GABBR2: variants seen among roughly 807,000 people sequenced by gnomAD.
GABBR2 encodes gamma-aminobutyric acid type B receptor subunit 2.
A neutral mutation model predicts 105.6 loss-of-function variants in GABBR2; 23 were observed. That is an observed-to-expected ratio of 0.22 (90% CI 0.16 to 0.31). GABBR2 has a LOEUF of 0.31. Ranked by LOEUF, GABBR2 falls within the 10% of genes least tolerant of loss-of-function variation. The pLI is 1.00. For missense variants in GABBR2, 734 were observed against 1,245.5 expected (o/e 0.59, Z 6.18); for synonymous variants, 478 against 499.7 (o/e 0.96, Z 0.58).
chr9:98,451,531 C>T lies in GABBR2; in HGVS notation c.1236+2450G>A, dbSNP rs187398295. ...TCAGTGCCACCCAAGTGCCTCCCCA[C>T]TGCCCCCCAGCAGTGGTCTCAAACC... On this transcript the variant is annotated intron_variant, in intron 7 of 18. Transcript: ENST00000259455. 7.9e-4 allele frequency among the ~76,000 whole-genome samples: 109 copies of T among 137,250 alleles called. 4 individuals carry two copies. The East Asian group carries it at 0.02, about 25-fold the overall frequency. The allele number at this position is 137,250 out of a possible 152,430, so 90.0% of individuals were successfully genotyped here. A position where few individuals can be genotyped will look rare whatever the true frequency, so the allele number is the denominator to read the frequency against.
chr9:98,635,550 C>T (rs1406133677), intron 1 of GABBR2, among the ~76,000 whole-genome samples: 1 of 152,152 alleles, frequency 6.6e-6, no homozygotes, highest in Admixed American at 6.5e-5. Context: ...CTAACTTCAA[C>T]AAAAAGAAAG....
intron 2 of GABBR2, among the ~76,000 whole-genome samples, chr9:98,567,994 C>T (rs1468820773): frequency 6.6e-6 from 1 of 152,136 alleles, no homozygotes; most frequent in Non-Finnish European, 1.5e-5. Context: ...TAGCATGAGT[C>T]AGTGAATGAA....
intron 13 of GABBR2, among the ~76,000 whole-genome samples, chr9:98,317,039 G>A (rs185449090): frequency 1.3e-5 from 2 of 152,322 alleles, no homozygotes; most frequent in Admixed American, 1.3e-4. Flanking sequence ...TCTATAAACT[G>A]CAAAGTGCTT....
chr9:98,431,538 T>C (rs574448579), intron 7 of GABBR2, among the ~76,000 whole-genome samples: 3 of 152,126 alleles, frequency 2.0e-5, no homozygotes, highest in African/African-American at 7.2e-5. Flanking sequence ...TTCTGATGCA[T>C]GTGTGGGAGA....
chr9:98,337,603 A>T (rs1831138489), intron 13 of GABBR2, among the ~76,000 whole-genome samples: 1 of 152,212 alleles, frequency 6.6e-6, no homozygotes, highest in South Asian at 2.1e-4. Context: ...TACAATAATC[A>T]AGTCAGCATG....
At chr9:98,699,563 T>G (rs1305687680) in intron 1 of GABBR2, among the ~76,000 whole-genome samples, 1 of 152,174 alleles carries the variant, frequency 6.6e-6, no homozygotes, top group East Asian at 1.9e-4. Context: ...TTTATTGAGC[T>G]CCTGCTCTGT....
At chr9:98,320,037 G>C (rs1431846152) in intron 13 of GABBR2, among the ~76,000 whole-genome samples, 1 of 152,076 alleles carries the variant, frequency 6.6e-6, no homozygotes, top group Non-Finnish European at 1.5e-5. Flanking sequence ...AGAGTGAACA[G>C]ACAACCTACA....
At chr9:98,643,332 G>A (rs1564139406) in intron 1 of GABBR2, among the ~76,000 whole-genome samples, 1 of 149,860 alleles carries the variant, frequency 6.7e-6, no homozygotes, top group Non-Finnish European at 1.5e-5. Context: ...CTAGACAAAA[G>A]TCATTTCCTC....
chr9:98,606,977 G>GCT, intron 1 of GABBR2: 1 of 794,478 alleles, frequency 1.3e-6, no homozygotes, highest in East Asian at 2.5e-5. Context: ...CCAAACCGCT[G>GCT]CTCGCCCCAT....
chr9:98,393,295 C>T (rs1200308499), intron 9 of GABBR2, among the ~76,000 whole-genome samples: 1 of 150,766 alleles, frequency 6.6e-6, no homozygotes, highest in Non-Finnish European at 1.5e-5. Flanking sequence ...ACCTATCCAT[C>T]TATCCATCCA....
At chr9:98,651,527 C>T (rs1830105817) in intron 1 of GABBR2, among the ~76,000 whole-genome samples, 1 of 152,088 alleles carries the variant, frequency 6.6e-6, no homozygotes, top group Non-Finnish European at 1.5e-5. Context: ...CTCAAACTCT[C>T]GAACTCAAGC....
intron 1 of GABBR2, among the ~76,000 whole-genome samples, chr9:98,638,000 C>G (rs1395060993): frequency 6.6e-6 from 1 of 152,080 alleles, no homozygotes; most frequent in Non-Finnish European, 1.5e-5. Context: ...TTTTTATTCC[C>G]CTTTGACATA....
chr9:98,541,030 C>T (rs934853740), intron 3 of GABBR2, among the ~76,000 whole-genome samples: 2 of 152,188 alleles, frequency 1.3e-5, no homozygotes, highest in East Asian at 1.9e-4. Context: ...ACTGCCAAGA[C>T]GCACACCTAG....
chr9:98,552,622 G>C (rs1013107586), intron 2 of GABBR2, among the ~76,000 whole-genome samples: 1 of 152,174 alleles, frequency 6.6e-6, no homozygotes, highest in Admixed American at 6.5e-5. Context: ...TGGCTGCAAA[G>C]CATTTCCCAA....
At chr9:98,573,423 C>G (rs1453349530) in intron 2 of GABBR2, among the ~76,000 whole-genome samples, 1 of 152,136 alleles carries the variant, frequency 6.6e-6, no homozygotes, top group Non-Finnish European at 1.5e-5. Flanking sequence ...CCTGGGACCA[C>G]AGGAGTGTGC....
chr9:98,328,382 G>C (rs1432200491), intron 13 of GABBR2, among the ~76,000 whole-genome samples: 1 of 152,158 alleles, frequency 6.6e-6, no homozygotes, highest in Non-Finnish European at 1.5e-5. Flanking sequence ...TTTGAAAAAT[G>C]GGAAATGATG....
chr9:98,365,139 C>T (rs1831653624), intron 12 of GABBR2, among the ~76,000 whole-genome samples: 1 of 152,210 alleles, frequency 6.6e-6, no homozygotes, highest in Non-Finnish European at 1.5e-5. Flanking sequence ...TCATTCTAAT[C>T]CCAATTCTTG....
chr9:98,310,325 C>A (rs544020836), intron 14 of GABBR2, among the ~76,000 whole-genome samples: 1 of 151,972 alleles, frequency 6.6e-6, no homozygotes, highest in Non-Finnish European at 1.5e-5. Flanking sequence ...CTCGGCCCAC[C>A]GCAACCTCTG....
intron 2 of GABBR2, chr9:98,555,730 GGGTC>G (rs1187397318): frequency 6.6e-6 from 1 of 152,268 alleles, no homozygotes; most frequent in Non-Finnish European, 1.5e-5. Flanking sequence ...CATCTGTCAG[GGGTC>G]GGGGGTGCTG....
Sources: gnomAD v4.1 joint callset for allele counts (sites outside exome capture counted in the v4.1 genomes callset) on GRCh38, gnomAD v4.1.1 for gene constraint, MANE v1.5 for transcripts, NCBI Gene and HGNC (gene_info 2026-07-23, HGNC 2026-07-21) for gene names.